CYRIB: variants seen among roughly 807,000 people sequenced by gnomAD.
CYRIB encodes the protein CYFIP related Rac1 interactor B, also known as CYFIP-related Rac1 interactor B.
Under a neutral mutation model 44.2 loss-of-function variants are expected in CYRIB, and 8 were observed. That is an observed-to-expected ratio of 0.18 (90% CI 0.11 to 0.33). The LOEUF (loss-of-function observed/expected upper bound fraction) is 0.33. Ranked by LOEUF, CYRIB falls within the 10% of genes least tolerant of loss-of-function variation. CYRIB has a pLI of 1.00. For synonymous variants in CYRIB, 131 were observed against 127.2 expected (o/e 1.03, Z -0.20); for missense variants, 185 against 382.8 (o/e 0.48, Z 4.31).
chr8:129,928,660 TAA>T (rs879465964), intron 1 of CYRIB, among the ~76,000 whole-genome samples: 1 of 137,846 alleles, frequency 7.3e-6, no homozygotes, highest in African/African-American at 2.7e-5. Flanking sequence ...ATCCTTTCTT[TAA>T]AAAAAAAAAA....
upstream of CYRIB, among the ~76,000 whole-genome samples, chr8:129,942,747 T>C (rs992688208): frequency 6.6e-6 from 1 of 152,376 alleles, no homozygotes; most frequent in Admixed American, 6.5e-5. Flanking sequence ...TGCCAGGCAC[T>C]GTACTAAGCT....
intron 3 of CYRIB, among the ~76,000 whole-genome samples, chr8:129,878,136 T>TA (rs1486887150): frequency 6.6e-6 from 1 of 152,160 alleles, no homozygotes; most frequent in Non-Finnish European, 1.5e-5. Flanking sequence ...GTATTTCCCC[T>TA]AAAAACCCAA....
intron 1 of CYRIB, among the ~76,000 whole-genome samples, chr8:129,920,093 CA>C (rs35451574): frequency 0.02 from 1,796 of 91,964 alleles, 16 homozygotes; most frequent in African/African-American, 0.049. Flanking sequence ...AAAACACTTT[CA>C]AAAAAAAAAA....
intron 1 of CYRIB, among the ~76,000 whole-genome samples, chr8:129,996,603 G>A (rs1441150052): frequency 6.6e-6 from 1 of 152,156 alleles, no homozygotes; most frequent in Non-Finnish European, 1.5e-5. Context: ...TTATCTCAGA[G>A]AGCTTGAGGG....
At chr8:129,964,074 GTGGCTGA>G (rs1359427041) in intron 2 of CYRIB, among the ~76,000 whole-genome samples, 1 of 152,198 alleles carries the variant, frequency 6.6e-6, no homozygotes, top group Non-Finnish European at 1.5e-5. Context: ...GGTTAGAAAT[GTGGCTGA>G]TTGCAGAAAA....
intron 1 of CYRIB, among the ~76,000 whole-genome samples, chr8:129,910,322 T>A (rs961169765): frequency 5.9e-5 from 9 of 152,130 alleles, no homozygotes; most frequent in Non-Finnish European, 1.0e-4. Flanking sequence ...TGAACATATA[T>A]CTTTGTTGAA....
At chr8:129,941,327 A>T (rs2989881), upstream of CYRIB, among the ~76,000 whole-genome samples, 1 of 146,066 alleles carries the variant, frequency 6.8e-6, no homozygotes, top group Non-Finnish European at 1.5e-5. Context: ...AGGCTGGAGT[A>T]CAGTGGCGCG....
At chr8:130,014,199 G>A (rs1429954819) in intron 1 of CYRIB, among the ~76,000 whole-genome samples, 1 of 152,156 alleles carries the variant, frequency 6.6e-6, no homozygotes, top group Non-Finnish European at 1.5e-5. Context: ...CAGCACTTTG[G>A]GAGGCTAAGG....
chr8:129,945,910 C>G lies in CYRIB; in HGVS notation c.-243+25033G>C, dbSNP rs186512118. Among the ~76,000 whole-genome samples, 70 of 152,284 alleles carry G rather than the reference C, an allele frequency of 4.6e-4. No individual in the cohort carries two copies. In the South Asian group the frequency reaches 0.01, roughly 22 times the overall value. Reference sequence around the variant, plus strand: ...CCACTGGGTAGCCATCCATGAGCTGCAGCTCAGGTCCTAAATCTGCCAGAG... The same window carrying G: ...CCACTGGGTAGCCATCCATGAGCTGGAGCTCAGGTCCTAAATCTGCCAGAG... On this transcript the variant is annotated intron_variant, in intron 2 of 14. Coordinates refer to the CYRIB transcript ENST00000401979.
At chr8:129,881,421 A>G (rs2060759904) in intron 2 of CYRIB, among the ~76,000 whole-genome samples, 1 of 152,220 alleles carries the variant, frequency 6.6e-6, no homozygotes, top group Admixed American at 6.5e-5. Context: ...TTAAGAAAAA[A>G]GACAACTTGC....
chr8:129,867,632 T>TAA (rs1352308717), intron 4 of CYRIB, among the ~76,000 whole-genome samples: 2 of 151,966 alleles, frequency 1.3e-5, no homozygotes, highest in Non-Finnish European at 2.9e-5. Flanking sequence ...TAATTCAACA[T>TAA]TATTAGTACA....
At chr8:130,013,859 G>A (rs1052812839) in intron 1 of CYRIB, among the ~76,000 whole-genome samples, 1 of 152,214 alleles carries the variant, frequency 6.6e-6, no homozygotes, top group Admixed American at 6.5e-5. Flanking sequence ...TCCTCAAAGA[G>A]CAAAGGGGAA....
chr8:129,993,755 G>T (rs566883439), intron 1 of CYRIB, among the ~76,000 whole-genome samples: 8 of 151,878 alleles, frequency 5.3e-5, no homozygotes, highest in African/African-American at 1.9e-4. Flanking sequence ...CCAGCTACTT[G>T]TGAGGCTGAG....
chr8:129,901,727 C>T (rs113811488), intron 2 of CYRIB: 11 of 152,134 alleles, frequency 7.2e-5, no homozygotes, highest in African/African-American at 2.7e-4. Flanking sequence ...TAACAAACTA[C>T]AGTAGTATTA....
chr8:129,949,240 T>A (rs1286568157), intron 2 of CYRIB: 12 of 152,206 alleles, frequency 7.9e-5, no homozygotes, highest in Non-Finnish European at 1.5e-4. Context: ...ATGTGAAATA[T>A]AATGACAGAA....
At chr8:129,987,677 C>A (rs1273343843) in intron 1 of CYRIB, among the ~76,000 whole-genome samples, 33 of 150,844 alleles carry the variant, frequency 2.2e-4, no homozygotes, top group Admixed American at 2.1e-3. Flanking sequence ...TCAAGCGATT[C>A]TCCTGCCTCA....
At chr8:129,924,961 T>C (rs2086598306) in intron 1 of CYRIB, among the ~76,000 whole-genome samples, 1 of 152,164 alleles carries the variant, frequency 6.6e-6, no homozygotes, top group South Asian at 2.1e-4. Context: ...ATTTTTCTCA[T>C]TTAAAGTTAG....
rs191783390 is a variant in CYRIB, at chr8:129,955,695, A to G, written c.-243+15248T>C. ...GAGAAAAGTGCTACAAAAACACAAG[A>G]TAGCATTTTATTAATTTATTAAATC... On this transcript the variant is annotated intron_variant, in intron 2 of 14. Transcript: ENST00000401979. Among the ~76,000 whole-genome samples the G allele has an allele frequency of 4.7e-4, 72 of 152,328 alleles. No homozygotes were observed. The South Asian group carries it at 0.011, about 22-fold the overall frequency.
chr8:129,882,315 A>G (rs2061074344), intron 2 of CYRIB, among the ~76,000 whole-genome samples: 1 of 152,232 alleles, frequency 6.6e-6, no homozygotes, highest in African/African-American at 2.4e-5. Flanking sequence ...TTGGTAAAAC[A>G]CAGGTAATTA....
Sources: gnomAD v4.1 joint callset for allele counts (sites outside exome capture counted in the v4.1 genomes callset) on GRCh38, gnomAD v4.1.1 for gene constraint, MANE v1.5 for transcripts, NCBI Gene and HGNC (gene_info 2026-07-23, HGNC 2026-07-21) for gene names.